TGFBR2: variants seen among roughly 807,000 people sequenced by gnomAD.
The protein encoded by TGFBR2 is TGF-beta receptor type-2.
A neutral mutation model predicts 49.0 loss-of-function variants in TGFBR2; 18 were observed. The observed-to-expected ratio is 0.37, with a 90% CI of 0.25 to 0.54. The LOEUF (loss-of-function observed/expected upper bound fraction) is 0.54, where lower values mean the gene tolerates loss of function less well. TGFBR2 is among the 20% of genes least tolerant of loss of function. The pLI is 0.85. For synonymous variants in TGFBR2, 282 were observed against 275.9 expected (o/e 1.02, Z -0.22); for missense variants, 525 against 722.6 (o/e 0.73, Z 3.13).
intron 1 of TGFBR2, among the ~76,000 whole-genome samples, chr3:30,610,188 C>T (rs1394973618): frequency 6.6e-6 from 1 of 152,140 alleles, no homozygotes; most frequent in Non-Finnish European, 1.5e-5. Flanking sequence ...ATAAGACAGA[C>T]CTGGTCTTTG....
chr3:30,644,754 C>A lies in TGFBR2; in HGVS notation c.102C>A (p.Asn34Lys). ...ATCTTTCTCTCTCCTCAGTTAATAA[C>A]GACATGATAGTCACTGACAACAACG... ...IPPHVQKSVN[N>K]DMIVTDNNGA... Residue 34 changes from asparagine to lysine, a missense_variant, in exon 2 of 7, where the codon AAC becomes AAA. Coordinates refer to ENST00000295754, the MANE Select transcript of TGFBR2 (RefSeq NM_003242.6). 6.2e-7 allele frequency: 1 copy of A among 1,614,008 alleles called. No individual in the cohort carries two copies. The highest frequency in any genetic ancestry group is 8.5e-7 in the Non-Finnish European group (1 of 1,179,932).
At chr3:30,664,083 C>T (rs958297397) in intron 3 of TGFBR2, among the ~76,000 whole-genome samples, 9 of 151,662 alleles carry the variant, frequency 5.9e-5, no homozygotes, top group African/African-American at 2.2e-4. Context: ...CTTCTGGGCT[C>T]GTGATCCTCC....
intron 1 of TGFBR2, among the ~76,000 whole-genome samples, chr3:30,639,694 T>C (rs549162146): frequency 6.6e-6 from 1 of 152,212 alleles, no homozygotes; most frequent in Non-Finnish European, 1.5e-5. Flanking sequence ...TATGAATATA[T>C]AACACTAATC....
At chr3:30,657,406 C>T (rs1699026235) in intron 3 of TGFBR2, among the ~76,000 whole-genome samples, 1 of 152,144 alleles carries the variant, frequency 6.6e-6, no homozygotes, top group African/African-American at 2.4e-5. Flanking sequence ...AGATGCTCAT[C>T]TGTTGGGAAG....
chr3:30,661,614 T>C (rs1323187680), intron 3 of TGFBR2: 1 of 515,564 alleles, frequency 1.9e-6, no homozygotes, highest in African/African-American at 1.9e-5. Flanking sequence ...AATCTGCTCA[T>C]GTGATGAAGA....
chr3:30,663,576 G>A (rs1164241456), intron 3 of TGFBR2, among the ~76,000 whole-genome samples: 2 of 152,102 alleles, frequency 1.3e-5, no homozygotes, highest in African/African-American at 4.8e-5. Context: ...CATATTAGTA[G>A]CAAGACGACT....
At chr3:30,626,945 T>C (rs1698342275) in intron 1 of TGFBR2, 1 of 152,204 alleles carries the variant, frequency 6.6e-6, no homozygotes, top group African/African-American at 2.4e-5. Context: ...TATGGGAGCC[T>C]TAAGTGCCAG....
intron 1 of TGFBR2, among the ~76,000 whole-genome samples, chr3:30,607,726 G>A (rs1697948141): frequency 6.7e-6 from 1 of 149,832 alleles, no homozygotes; most frequent in Non-Finnish European, 1.5e-5. Context: ...AAACCGAAGG[G>A]TTAAAATCCT....
intron 1 of TGFBR2, among the ~76,000 whole-genome samples, chr3:30,632,451 A>T (rs1358012061): frequency 6.6e-6 from 1 of 152,230 alleles, no homozygotes; most frequent in African/African-American, 2.4e-5. Context: ...TGGCAACTTT[A>T]TTGTAACGAT....
At chr3:30,655,590 T>G (rs1055181307) in intron 3 of TGFBR2, among the ~76,000 whole-genome samples, 1 of 152,228 alleles carries the variant, frequency 6.6e-6, no homozygotes, top group Non-Finnish European at 1.5e-5. Context: ...TTCACATAAG[T>G]GATTAGGGTA....
chr3:30,664,643 T>G (rs556504537), intron 3 of TGFBR2, among the ~76,000 whole-genome samples: 2 of 152,368 alleles, frequency 1.3e-5, no homozygotes, highest in East Asian at 3.9e-4. Flanking sequence ...TCTTATAACT[T>G]GAGTATGCAT....
At chr3:30,627,796 A>G (rs780110218) in intron 1 of TGFBR2, among the ~76,000 whole-genome samples, 6 of 151,960 alleles carry the variant, frequency 3.9e-5, no homozygotes, top group Non-Finnish European at 8.8e-5. Flanking sequence ...TTTCAAATAT[A>G]GATATATTTT....
At chr3:30,647,840 G>T (rs151245473) in intron 2 of TGFBR2, among the ~76,000 whole-genome samples, 1,833 of 152,044 alleles carry the variant, frequency 0.012, 12 homozygotes, top group Non-Finnish European at 0.017. Flanking sequence ...CCATCACGTG[G>T]CTAATTTTTT....
At chr3:30,641,375 G>A (rs890531180) in intron 1 of TGFBR2, among the ~76,000 whole-genome samples, 2 of 152,280 alleles carry the variant, frequency 1.3e-5, no homozygotes, top group East Asian at 1.9e-4. Context: ...ATATCATATA[G>A]AGGAAAAGAA....
At chr3:30,674,994 T>G (rs1476412265) in intron 5 of TGFBR2, among the ~76,000 whole-genome samples, 29 of 152,172 alleles carry the variant, frequency 1.9e-4, no homozygotes, top group Non-Finnish European at 1.5e-5. Flanking sequence ...AGGCTGTTAC[T>G]ACTATTGACC....
At chr3:30,691,232 C>T (rs1257403280) in intron 6 of TGFBR2, among the ~76,000 whole-genome samples, 188 bp from the exon 7 acceptor site, 2 of 152,194 alleles carry the variant, frequency 1.3e-5, no homozygotes, top group Non-Finnish European at 2.9e-5. Flanking sequence ...CCAGCACAAA[C>T]CCCCCACCAC....
intron 1 of TGFBR2, chr3:30,626,278 T>C (rs948915738): frequency 2.4e-4 from 37 of 152,158 alleles, no homozygotes; most frequent in African/African-American, 8.4e-4. Flanking sequence ...ATAACAAATA[T>C]GAGCAAGGTT....
intron 3 of TGFBR2, among the ~76,000 whole-genome samples, chr3:30,669,498 G>C (rs1428058622): frequency 6.6e-6 from 1 of 152,134 alleles, no homozygotes; most frequent in Non-Finnish European, 1.5e-5. Flanking sequence ...GGATTTTATA[G>C]TCCCGTTTGA....
chr3:30,674,282 C>T (rs1430556395), intron 5 of TGFBR2, 36 bp downstream of exon 5: 2 of 1,613,102 alleles, frequency 1.2e-6, no homozygotes, highest in Non-Finnish European at 8.5e-7. Context: ...TAGTGGTAAA[C>T]TTGTCTTCAA....
Sources: gnomAD v4.1 joint callset for allele counts (sites outside exome capture counted in the v4.1 genomes callset) on GRCh38, gnomAD v4.1.1 for gene constraint, MANE v1.5 for transcripts, NCBI Gene and HGNC (gene_info 2026-07-23, HGNC 2026-07-21) for gene names.